CGNL1: variants seen among roughly 807,000 people sequenced by gnomAD.
The protein encoded by CGNL1 is cingulin-like protein 1.
Under a neutral mutation model 141.2 loss-of-function variants are expected in CGNL1, and 132 were observed. The ratio of observed to expected loss-of-function variants is 0.93; its 90% confidence interval spans 0.81 to 1.08. The LOEUF is 1.08. Ranked by LOEUF, CGNL1 falls within the 50% of genes least tolerant of loss-of-function variation. The pLI is 0.00. For missense variants in CGNL1, 1,870 were observed against 1,588.6 expected (o/e 1.18, Z -3.01); for synonymous variants, 690 against 622.1 (o/e 1.11, Z -1.63).
At position 57,523,186 on chromosome 15, in the gene CGNL1, T is replaced by A. The variant is rs77803066; in HGVS notation, c.2716-303T>A. Among the ~76,000 whole-genome samples the A allele has an allele frequency of 6.1e-3, 923 of 152,324 alleles. 3 individuals are homozygous for A. Among genetic ancestry groups the A allele is most frequent in the Middle Eastern group, 0.014 (4 of 294 alleles). On this transcript the variant is annotated intron_variant, in intron 10 of 18. Transcript: ENST00000281282. ...ATTTCAAGCATGAACATTCAGGTTT[T>A]CAGACACCATCCTGAATTCCCACCA...
At chr15:57,531,046 A>G (rs2031924444) in intron 13 of CGNL1, among the ~76,000 whole-genome samples, 1 of 152,238 alleles carries the variant, frequency 6.6e-6, no homozygotes, top group Non-Finnish European at 1.5e-5. Flanking sequence ...TCTTTTCTTC[A>G]TACACAAAGC....
chr15:57,489,162 G>C (rs1414136681), intron 8 of CGNL1, among the ~76,000 whole-genome samples: 1 of 152,198 alleles, frequency 6.6e-6, no homozygotes, highest in Non-Finnish European at 1.5e-5. Flanking sequence ...AGGTTAGATG[G>C]TGAATCCAGT....
At chr15:57,424,254 A>G (rs1396720610) in intron 1 of CGNL1, among the ~76,000 whole-genome samples, 1 of 151,872 alleles carries the variant, frequency 6.6e-6, no homozygotes, top group East Asian at 1.9e-4. Context: ...CACGGCTTAG[A>G]TCTCATCTTC....
intron 10 of CGNL1, 126 bp from the exon 11 acceptor site, chr15:57,523,363 C>G: frequency 2.6e-6 from 2 of 765,730 alleles, no homozygotes; most frequent in Non-Finnish European, 2.1e-6. Flanking sequence ...TTTTGATCTT[C>G]TTCCTCATCA....
chr15:57,417,284 A>C (rs1427205953), intron 1 of CGNL1, among the ~76,000 whole-genome samples: 5 of 151,882 alleles, frequency 3.3e-5, no homozygotes, highest in Non-Finnish European at 7.4e-5. Context: ...CCCAGGCTGG[A>C]GTGCAGTGGT....
At chr15:57,399,796 T>A (rs1255283073) in intron 1 of CGNL1, among the ~76,000 whole-genome samples, 10 of 152,100 alleles carry the variant, frequency 6.6e-5, no homozygotes, top group Admixed American at 5.9e-4. Context: ...GCTGGAGGAT[T>A]GCTTCAGCCC....
At chr15:57,526,184 A>C (rs13329375) in intron 12 of CGNL1, among the ~76,000 whole-genome samples, 2,642 of 151,784 alleles carry the variant, frequency 0.017, 75 homozygotes, top group African/African-American at 0.06. Flanking sequence ...CCAAAACAAA[A>C]AAAAAAAAGG....
intron 3 of CGNL1, among the ~76,000 whole-genome samples, chr15:57,441,560 AG>A: frequency 6.6e-6 from 1 of 152,146 alleles, no homozygotes; most frequent in East Asian, 1.9e-4. Flanking sequence ...GTAGAGACAC[AG>A]TTTCATCATA....
intron 8 of CGNL1, among the ~76,000 whole-genome samples, chr15:57,499,016 T>A (rs1231951601): frequency 2.6e-5 from 4 of 152,012 alleles, no homozygotes; most frequent in Non-Finnish European, 5.9e-5. Flanking sequence ...TGGTGGAGGG[T>A]GACATGATCT....
intron 4 of CGNL1, among the ~76,000 whole-genome samples, chr15:57,449,256 T>C (rs1204203640): frequency 2.0e-5 from 3 of 152,132 alleles, no homozygotes; most frequent in Non-Finnish European, 4.4e-5. Context: ...TTATTGTAGG[T>C]TCTTGGAACT....
intron 12 of CGNL1, among the ~76,000 whole-genome samples, chr15:57,525,181 C>G (rs557753903): frequency 1.3e-5 from 2 of 152,250 alleles, no homozygotes; most frequent in East Asian, 1.9e-4. Context: ...GGGTGGCGGA[C>G]AAGAGTTTCA....
At chr15:57,495,228 T>G (rs776944577) in intron 8 of CGNL1, among the ~76,000 whole-genome samples, 1 of 152,166 alleles carries the variant, frequency 6.6e-6, no homozygotes, top group Non-Finnish European at 1.5e-5. Flanking sequence ...CAGCAACTCA[T>G]TTGCATGGTA....
intron 14 of CGNL1, 52 bp downstream of exon 14, chr15:57,531,831 C>T: frequency 2.6e-6 from 3 of 1,170,770 alleles, no homozygotes; most frequent in Non-Finnish European, 3.9e-6. Flanking sequence ...GAAAAAGGAA[C>T]ATGAGGGGTT....
intron 10 of CGNL1, 122 bp from the exon 11 acceptor site, chr15:57,523,367 C>T: frequency 1.3e-6 from 1 of 779,948 alleles, no homozygotes; most frequent in East Asian, 2.7e-5. Context: ...GATCTTCTTC[C>T]TCATCACGGA....
chr15:57,498,052 A>C (rs2063967420), intron 8 of CGNL1, among the ~76,000 whole-genome samples: 1 of 152,012 alleles, frequency 6.6e-6, no homozygotes. Flanking sequence ...TTCCATCTGC[A>C]CTGCCTTTCC....
intron 8 of CGNL1, among the ~76,000 whole-genome samples, chr15:57,467,888 C>A (rs1263893835): frequency 6.6e-6 from 1 of 152,054 alleles, no homozygotes; most frequent in Non-Finnish European, 1.5e-5. Flanking sequence ...TGGGGTTTCA[C>A]CATGTTGGCC....
At chr15:57,411,669 T>C (rs2062789342) in intron 1 of CGNL1, among the ~76,000 whole-genome samples, 1 of 152,050 alleles carries the variant, frequency 6.6e-6, no homozygotes, top group Non-Finnish European at 1.5e-5. Flanking sequence ...GGTCTCCAAC[T>C]CTTGACTTCA....
chr15:57,534,806 C>T lies in CGNL1; in HGVS notation c.3291+3027C>T, dbSNP rs1034101853. 2.0e-5 allele frequency among the ~76,000 whole-genome samples: 3 copies of T among 152,324 alleles called. No individual in the cohort carries two copies. In the South Asian group the frequency reaches 6.2e-4, roughly 32 times the overall value. The stretch of plus-strand genomic sequence containing the variant: ...TCGGCCCTGCCTTCCTAGCAAACTG[C>T]TACTAGGCACTGAAAAGAGAATGCA... On this transcript the variant is annotated intron_variant, in intron 14 of 18. Coordinates refer to ENST00000281282, the MANE Select transcript of CGNL1 (RefSeq NM_032866.5).
intron 8 of CGNL1, among the ~76,000 whole-genome samples, chr15:57,466,999 G>A (rs1275119484): frequency 6.6e-6 from 1 of 152,152 alleles, no homozygotes; most frequent in East Asian, 1.9e-4. Flanking sequence ...ATGGATGAGG[G>A]AGAAGAGGAG....
Sources: allele counts gnomAD v4.1 joint callset (sites outside exome capture counted in the v4.1 genomes callset), GRCh38; gene constraint gnomAD v4.1.1; transcripts MANE v1.5; gene names NCBI Gene and HGNC (gene_info 2026-07-23, HGNC 2026-07-21).